The following ADGRB3 variants were observed in gnomAD, a reference collection of about 807,000 sequenced individuals.
ADGRB3 encodes the protein adhesion G protein-coupled receptor B3, also known as brain-specific angiogenesis inhibitor 3.
Under a neutral mutation model 193.4 loss-of-function variants are expected in ADGRB3, and 37 were observed. That is an observed-to-expected ratio of 0.19 (90% CI 0.15 to 0.25). The LOEUF is 0.25. ADGRB3 is among the 10% of genes least tolerant of loss of function. The probability of loss-of-function intolerance (pLI) is 1.00; values close to 1 mark genes in which losing one functional copy is unlikely to be tolerated. For missense variants in ADGRB3, 1,637 were observed against 1,852.9 expected, an observed-to-expected ratio of 0.88 and a Z score of 2.14; for synonymous variants, 690 against 644.2, an observed-to-expected ratio of 1.07 and a Z score of -1.08.
chr6:69,254,461 G>C (rs1304882895), intron 20 of ADGRB3, among the ~76,000 whole-genome samples: 2 of 151,916 alleles, frequency 1.3e-5, no homozygotes, highest in Non-Finnish European at 1.5e-5. Flanking sequence ...TTTACTCTTA[G>C]AGAACTTTTT....
chr6:68,704,177 A>G (rs1476566230), intron 3 of ADGRB3, among the ~76,000 whole-genome samples: 3 of 152,222 alleles, frequency 2.0e-5, no homozygotes, highest in Non-Finnish European at 2.9e-5. Flanking sequence ...TTATTATAAA[A>G]TATGAGAAAG....
intron 28 of ADGRB3, 76 bp from the exon 29 acceptor site, chr6:69,360,793 C>T (rs925732656): frequency 8.6e-5 from 120 of 1,388,926 alleles, no homozygotes; most frequent in Admixed American, 5.4e-4. Context: ...TAGTAGAAAG[C>T]GAGACAACAT....
intron 13 of ADGRB3, among the ~76,000 whole-genome samples, chr6:69,031,056 CTT>C (rs1441763118): frequency 0.044 from 1,671 of 38,110 alleles, 318 homozygotes; most frequent in Non-Finnish European, 0.053. Context: ...CTTCTCTTCT[CTT>C]CTCTTCTCTT....
intron 3 of ADGRB3, among the ~76,000 whole-genome samples, chr6:68,719,041 A>G (rs896817593): frequency 6.6e-6 from 1 of 151,850 alleles, no homozygotes; most frequent in Non-Finnish European, 1.5e-5. Context: ...ATTATGTACT[A>G]GCACTTAATA....
At chr6:68,740,845 C>T (rs549936685) in intron 3 of ADGRB3, among the ~76,000 whole-genome samples, 58 of 152,126 alleles carry the variant, frequency 3.8e-4, no homozygotes, top group Non-Finnish European at 6.5e-4. Context: ...CTTCTATTCC[C>T]TTAACAAAGA....
At chr6:69,074,149 T>G (rs1772158792) in intron 16 of ADGRB3, among the ~76,000 whole-genome samples, 1 of 67,852 alleles carries the variant, frequency 1.5e-5, no homozygotes, top group Non-Finnish European at 3.9e-5. Flanking sequence ...ATTTTCTGAT[T>G]GCTTAAAAAA....
Position 68,993,926 on chromosome 6 carries a change from A to T in ADGRB3, c.1893A>T (p.Lys631Asn). The T allele has an allele frequency of 6.2e-7, 1 of 1,613,892 alleles. No individual in the cohort carries two copies. The highest frequency in any genetic ancestry group is 8.5e-7 in the Non-Finnish European group (1 of 1,179,822). Residue 631 changes from lysine (K) to asparagine (N), a missense_variant, in exon 11 of 32, where the codon AAA becomes AAT. Lys to Asn is a moderately conservative substitution (Grantham distance 94). This residue lies in a region of ADGRB3 where 641 missense variants were observed against 673.9 expected (regional missense o/e 0.95). Transcript: ENST00000370598. ...TGAGAAATGTGACAGACACATTTAA[A>T]AGGGCAAGTTACATCCCTGCATCTG... ...EILRNVTDTF[K>N]RASYIPASDG... is the part of the protein sequence containing the mutation.
At chr6:68,735,866 A>G (rs1467716345) in intron 3 of ADGRB3, among the ~76,000 whole-genome samples, 1 of 152,178 alleles carries the variant, frequency 6.6e-6, no homozygotes, top group African/African-American at 2.4e-5. Context: ...GTTTTGGATG[A>G]AAAGATTTTG....
chr6:69,002,803 G>T (rs1769621012), intron 11 of ADGRB3, among the ~76,000 whole-genome samples: 1 of 152,130 alleles, frequency 6.6e-6, no homozygotes, highest in South Asian at 2.1e-4. Flanking sequence ...GGCTTTTCTG[G>T]GTTGGAATTA....
At chr6:69,385,178 A>T (rs1770041384) in intron 31 of ADGRB3, among the ~76,000 whole-genome samples, 1 of 152,022 alleles carries the variant, frequency 6.6e-6, no homozygotes, top group South Asian at 2.1e-4. Flanking sequence ...TGTGTTTCAC[A>T]AACCATTCAG....
At chr6:68,837,382 A>T (rs560487440) in intron 3 of ADGRB3, among the ~76,000 whole-genome samples, 4 of 152,342 alleles carry the variant, frequency 2.6e-5, no homozygotes, top group South Asian at 4.1e-4. Flanking sequence ...ATTACAATTA[A>T]TTTTTATGCT....
intron 13 of ADGRB3, among the ~76,000 whole-genome samples, chr6:69,039,096 T>C (rs1770956075): frequency 6.6e-6 from 1 of 152,170 alleles, no homozygotes; most frequent in Admixed American, 6.5e-5. Context: ...GTTTATCAGA[T>C]TGACTGTCAA....
chr6:69,382,208 G>T (rs73748514), intron 30 of ADGRB3, among the ~76,000 whole-genome samples: 6,004 of 151,942 alleles, frequency 0.04, 387 homozygotes, highest in African/African-American at 0.14. Flanking sequence ...TAATTGTTAA[G>T]AATCTATACC....
At chr6:69,387,785 A>G (rs1461483554) in intron 31 of ADGRB3, among the ~76,000 whole-genome samples, 1 of 152,050 alleles carries the variant, frequency 6.6e-6, no homozygotes, top group Non-Finnish European at 1.5e-5. Flanking sequence ...TGGAGTTTGG[A>G]TAGTAATTCA....
chr6:68,926,063 T>C (rs184103542), intron 3 of ADGRB3, among the ~76,000 whole-genome samples: 27 of 152,218 alleles, frequency 1.8e-4, no homozygotes, highest in Admixed American at 1.2e-3. Flanking sequence ...CAGATAATTT[T>C]GTTTTTCTCC....
rs62408283 is a variant in ADGRB3 at position 69,331,375 on chromosome 6, G to A, written c.3102+803G>A. 3.1e-3 allele frequency among the ~76,000 whole-genome samples: 470 copies of A among 152,018 alleles called. 3 individuals are homozygous for A. Among genetic ancestry groups the A allele is most frequent in the Middle Eastern group, 6.8e-3 (2 of 294 alleles). On this transcript the variant is annotated intron_variant, in intron 23 of 31. Transcript: ENST00000370598. ...ATAAATCTTTAAAGAAAATAAGGGA[G>A]GAAAGAAACTGTCTAAATTAAATAT...
intron 27 of ADGRB3, among the ~76,000 whole-genome samples, chr6:69,355,575 A>G (rs1260896697): frequency 9.9e-5 from 15 of 152,186 alleles, no homozygotes; most frequent in Non-Finnish European, 1.5e-5. Context: ...ACTGAAGATG[A>G]CACTGGGTAT....
chr6:69,209,934 AG>A (rs1193642356), intron 17 of ADGRB3, among the ~76,000 whole-genome samples: 1 of 151,660 alleles, frequency 6.6e-6, no homozygotes, highest in Non-Finnish European at 1.5e-5. Flanking sequence ...TTAGAAGAAG[AG>A]TCCTTAGTAT....
In ADGRB3 at chr6:69,235,042, C is replaced by T. The variant is rs1172908365; in HGVS notation, c.2618C>T (p.Ser873Phe). 6.2e-7 allele frequency: 1 copy of T among 1,610,926 alleles called. No individual in the cohort carries two copies. Among genetic ancestry groups the T allele is most frequent in the Non-Finnish European group, 8.5e-7 (1 of 1,177,646 alleles). Residue 873 changes from serine (S) to phenylalanine (F), a missense_variant, in exon 19 of 32, where the codon TCC (serine) becomes TTC (phenylalanine). This residue lies in a region of ADGRB3 where 641 missense variants were observed against 673.9 expected (regional missense o/e 0.95). Coordinates refer to ENST00000370598, the MANE Select transcript of ADGRB3 (RefSeq NM_001704.3). ...TTGTTTAATTCACAGATCATGGAAT[C>T]CTCTGGCACACCTTCAGTTACCCTA... ...AQQPREIIME[S>F]SGTPSVTLIV...
Sources: allele counts gnomAD v4.1 joint callset (sites outside exome capture counted in the v4.1 genomes callset), GRCh38; gene constraint gnomAD v4.1.1; regional missense constraint gnomAD v4.1.1; transcripts MANE v1.5; gene names NCBI Gene and HGNC (gene_info 2026-07-23, HGNC 2026-07-21).